Variants in LYZL1 observed in about 807,000 individuals in gnomAD.
LYZL1 encodes lysozyme like 1, also known as lysozyme-like protein 1.
Under a neutral mutation model 17.9 loss-of-function variants are expected in LYZL1, and 16 were observed. The ratio of observed to expected loss-of-function variants is 0.90; its 90% CI spans 0.61 to 1.36. The LOEUF (loss-of-function observed/expected upper bound fraction) is 1.36, where lower values mean the gene tolerates loss of function less well. LYZL1 is among the 40% of genes most tolerant of loss of function. The pLI, the probability that LYZL1 is intolerant of heterozygous loss-of-function variation, is 0.00. For synonymous variants in LYZL1, 58 were observed against 71.8 expected, an observed-to-expected ratio of 0.81 and a Z score of 0.97; for missense variants, 149 against 188.4, an observed-to-expected ratio of 0.79 and a Z score of 1.22.
At chr10:29,306,792 A>ATGTGTGTGTGTGTG (rs1238882899) in intron 3 of LYZL1, among the ~76,000 whole-genome samples, 3 of 91,510 alleles carry the variant, frequency 3.3e-5, no homozygotes, top group African/African-American at 1.4e-4. Context: ...GTTACCGCTT[A>ATGTGTGTGTGTGTG]TGTATGTGTG....
At chr10:29,308,753 G>A (rs1207133205) in intron 3 of LYZL1, among the ~76,000 whole-genome samples, 2 of 152,194 alleles carry the variant, frequency 1.3e-5, no homozygotes, top group Non-Finnish European at 2.9e-5. Context: ...GATCCCCAGA[G>A]TTCAAGACCA....
At chr10:29,309,933 C>T (rs982797898) in intron 3 of LYZL1, among the ~76,000 whole-genome samples, 177 bp from the exon 4 acceptor site, 5 of 152,190 alleles carry the variant, frequency 3.3e-5, no homozygotes, top group African/African-American at 1.2e-4. Context: ...AAAACAACAA[C>T]AAAAAGTTCT....
chr10:29,304,942 A>T (rs1366125026), intron 3 of LYZL1, among the ~76,000 whole-genome samples: 1 of 152,186 alleles, frequency 6.6e-6, no homozygotes, highest in African/African-American at 2.4e-5. Context: ...TCCTGGTCCA[A>T]TATGGCCCCA....
intron 1 of LYZL1, 140 bp from the exon 2 acceptor site, chr10:29,291,703 G>A (rs1835367653): frequency 9.5e-7 from 1 of 1,049,610 alleles, no homozygotes; most frequent in African/African-American, 1.6e-5. Context: ...GGACCGTAGA[G>A]TGGCCGGTTT....
chr10:29,302,425 T>A (rs1008542465), intron 3 of LYZL1, among the ~76,000 whole-genome samples: 2 of 152,226 alleles, frequency 1.3e-5, no homozygotes, highest in African/African-American at 4.8e-5. Flanking sequence ...GCACGAGGGA[T>A]GCTCCCTTTA....
Position 29,291,758 on chromosome 10 carries a change from A to T in LYZL1, c.-25-85A>T, listed in dbSNP as rs1463670000. 2.8e-6 allele frequency: 4 copies of T among 1,446,218 alleles called. 1 individual carries two copies. In the African/African-American group the frequency reaches 5.7e-5, roughly 21 times the overall value. 89.6% of individuals were successfully genotyped at this position (1,446,218 alleles called of 1,614,324 possible). A position where few individuals can be genotyped will look rare whatever the true frequency, so the allele number is the denominator to read the frequency against. On this transcript the variant is annotated intron_variant, in intron 1 of 4. Coordinates refer to ENST00000649382, the MANE Select transcript of LYZL1 (RefSeq NM_032517.6). ...ATGACCAAAGTGACAGGCAGCATCT[A>T]GGCAGGGCTGTGCACAGTCACCACC...
chr10:29,305,026 A>G (rs1329415878), intron 3 of LYZL1, among the ~76,000 whole-genome samples: 1 of 152,184 alleles, frequency 6.6e-6, no homozygotes, highest in Non-Finnish European at 1.5e-5. Context: ...CTCTTTCTGT[A>G]CATGCCTGGG....
At chr10:29,304,498 AG>A (rs1276795162) in intron 3 of LYZL1, among the ~76,000 whole-genome samples, 1 of 152,014 alleles carries the variant, frequency 6.6e-6, no homozygotes, top group East Asian at 1.9e-4. Flanking sequence ...GATACTTTGA[AG>A]TAGAACTAAC....
chr10:29,303,537 A>G (rs1835549813), intron 3 of LYZL1, among the ~76,000 whole-genome samples: 1 of 152,196 alleles, frequency 6.6e-6, no homozygotes, highest in Non-Finnish European at 1.5e-5. Flanking sequence ...AACATTGTTC[A>G]GTTTCATTCC....
chr10:29,317,161 A>G (rs916398985), intron 3 of LYZL1: 2 of 152,208 alleles, frequency 1.3e-5, no homozygotes, highest in Non-Finnish European at 2.9e-5. Flanking sequence ...CATAACAGTT[A>G]CTTACGCTGA....
chr10:29,292,822 A>G, intron 3 of LYZL1, 145 bp downstream of exon 3: 1 of 1,263,230 alleles, frequency 7.9e-7, no homozygotes. Context: ...ATTATGCAAC[A>G]GTTTCCAAGG....
chr10:29,315,204 T>C (rs375804181), downstream of LYZL1, among the ~76,000 whole-genome samples: 26 of 152,318 alleles, frequency 1.7e-4, no homozygotes, highest in Admixed American at 6.5e-4. Flanking sequence ...AAATACACTA[T>C]ATTTTTTTGA....
intron 3 of LYZL1, among the ~76,000 whole-genome samples, chr10:29,303,800 C>T (rs1367872657): frequency 6.6e-6 from 1 of 152,198 alleles, no homozygotes; most frequent in Non-Finnish European, 1.5e-5. Flanking sequence ...GTCATTCTGT[C>T]CCACATATTA....
At chr10:29,305,651 A>G (rs1212544386) in intron 3 of LYZL1, among the ~76,000 whole-genome samples, 1 of 152,234 alleles carries the variant, frequency 6.6e-6, no homozygotes. Context: ...ATATAGCTTT[A>G]GTTTTCACTG....
In LYZL1 at chr10:29,310,172, C is replaced by T; in HGVS notation, c.361C>T (p.Gln121Ter). The change falls in exon 4 of 5, where the codon CAA (glutamine) becomes TAA (stop). Residue 121 changes from glutamine (Q) to a stop codon, truncating the protein, a stop_gained. Coordinates refer to ENST00000649382, the MANE Select transcript of LYZL1 (RefSeq NM_032517.6). LOFTEE classifies it high-confidence loss of function. ...TGCCAGGAAAATTGTTAAAGAGACACAAGGAATGAACTATTGGTAAGAGTG... is the reference window on the plus strand; with the variant it reads ...TGCCAGGAAAATTGTTAAAGAGACATAAGGAATGAACTATTGGTAAGAGTG... Reference protein sequence around the residue: ...ICARKIVKETQGMNYWQGWKK... With the variant: ...ICARKIVKET 1 of 1,608,684 alleles carries T rather than the reference C, an allele frequency of 6.2e-7. No homozygotes were observed. The highest frequency in any genetic ancestry group is 8.5e-7 in the Non-Finnish European group (1 of 1,175,192).
chr10:29,289,629 G>C (rs1835334328), intron 1 of LYZL1, among the ~76,000 whole-genome samples: 1 of 151,610 alleles, frequency 6.6e-6, no homozygotes, highest in South Asian at 2.1e-4. Context: ...TTGCTGCCCA[G>C]GCTAGTCTCA....
At chr10:29,307,558 A>G (rs972040432) in intron 3 of LYZL1, among the ~76,000 whole-genome samples, 2 of 152,252 alleles carry the variant, frequency 1.3e-5, no homozygotes, top group Non-Finnish European at 2.9e-5. Flanking sequence ...AATGCCTGCC[A>G]TATTGGCATT....
chr10:29,297,577 A>G (rs1000341984), intron 3 of LYZL1, among the ~76,000 whole-genome samples: 2 of 152,200 alleles, frequency 1.3e-5, no homozygotes, highest in African/African-American at 4.8e-5. Context: ...TTTGTCTCAT[A>G]CTGGATATAA....
intron 3 of LYZL1, among the ~76,000 whole-genome samples, chr10:29,309,349 AAAAACAAAAC>A (rs551140904): frequency 6.6e-6 from 1 of 151,982 alleles, no homozygotes; most frequent in Non-Finnish European, 1.5e-5. Flanking sequence ...AAACAAAAAC[AAAAACAAAAC>A]AAAACAAAAC....
Sources: allele counts gnomAD v4.1 joint callset (sites outside exome capture counted in the v4.1 genomes callset), GRCh38; gene constraint gnomAD v4.1.1; transcripts MANE v1.5; gene names NCBI Gene and HGNC (gene_info 2026-07-23, HGNC 2026-07-21).